Variants in ITSN1 observed in about 807,000 individuals in gnomAD.
ITSN1 encodes the protein intersectin 1, also known as intersectin-1.
Under a neutral mutation model 239.8 loss-of-function variants are expected in ITSN1, and 58 were observed. The ratio of observed to expected loss-of-function variants is 0.24; its 90% CI spans 0.20 to 0.30. The LOEUF is 0.30. Among genes scored for constraint, ITSN1 ranks in the 10% least tolerant of loss-of-function variants. The pLI, the probability that ITSN1 is intolerant of heterozygous loss-of-function variation, is 1.00. For synonymous variants in ITSN1, 780 were observed against 770.8 expected (o/e 1.01, Z -0.20); for missense variants, 1,558 against 2,103.3 (o/e 0.74, Z 5.07).
At chr21:33,827,710 T>C (rs954772825) in intron 26 of ITSN1, among the ~76,000 whole-genome samples, 10 of 151,492 alleles carry the variant, frequency 6.6e-5, no homozygotes, top group Admixed American at 6.6e-4. Flanking sequence ...TAAAATCACA[T>C]GTGCTATAAA....
chr21:33,708,445 A>G (rs1490761213), intron 1 of ITSN1, among the ~76,000 whole-genome samples: 1 of 151,750 alleles, frequency 6.6e-6, no homozygotes, highest in Non-Finnish European at 1.5e-5. Context: ...CTGGAGTGCA[A>G]TGGCGCGATC....
chr21:33,757,399 A>AT (rs1294794956), intron 8 of ITSN1, among the ~76,000 whole-genome samples: 1 of 152,214 alleles, frequency 6.6e-6, no homozygotes, highest in Non-Finnish European at 1.5e-5. Context: ...AGATTTTGAT[A>AT]TTGTTTATCT....
intron 31 of ITSN1, among the ~76,000 whole-genome samples, chr21:33,864,857 G>T (rs556861482): frequency 6.6e-6 from 1 of 152,230 alleles, no homozygotes; most frequent in East Asian, 1.9e-4. Flanking sequence ...TCTGTGTAGT[G>T]AGGCATCGAC....
intron 1 of ITSN1, among the ~76,000 whole-genome samples, chr21:33,673,276 C>A (rs2090405674): frequency 6.6e-6 from 1 of 152,032 alleles, no homozygotes; most frequent in Admixed American, 6.6e-5. Context: ...AGATGTAGGT[C>A]AAAGTTGCAG....
At chr21:33,857,436 C>T (rs1339259044) in intron 30 of ITSN1, among the ~76,000 whole-genome samples, 6 of 152,212 alleles carry the variant, frequency 3.9e-5, no homozygotes, top group Admixed American at 1.3e-4. Context: ...TGGGGAGATG[C>T]GGAGCCCGGC....
intron 1 of ITSN1, among the ~76,000 whole-genome samples, chr21:33,676,376 T>C (rs140184860): frequency 6.6e-6 from 1 of 152,152 alleles, no homozygotes; most frequent in Non-Finnish European, 1.5e-5. Context: ...TGCATTTTCT[T>C]CTACAACACT....
chr21:33,679,801 C>T (rs77903098), intron 1 of ITSN1, among the ~76,000 whole-genome samples: 1 of 150,056 alleles, frequency 6.7e-6, no homozygotes, highest in African/African-American at 2.5e-5. Flanking sequence ...AGGTTCATGC[C>T]ATTCTCCTGC....
chr21:33,822,887 T>G (rs1245524603), intron 24 of ITSN1, among the ~76,000 whole-genome samples: 2 of 152,258 alleles, frequency 1.3e-5, no homozygotes, highest in Non-Finnish European at 2.9e-5. Flanking sequence ...TAACTCATTT[T>G]GTGTTCTAAC....
chr21:33,773,684 CTT>C (rs1005258198), intron 12 of ITSN1, among the ~76,000 whole-genome samples: 12 of 144,198 alleles, frequency 8.3e-5, no homozygotes, highest in East Asian at 2.0e-4. Context: ...GCCATAACTC[CTT>C]TTTTTTTTTT....
Position 33,758,457 on chromosome 21 carries a change from T to C in ITSN1, c.724+3060T>C, listed in dbSNP as rs1262136178. Among the ~76,000 whole-genome samples, 5 of 152,236 alleles carry C rather than the reference T, an allele frequency of 3.3e-5. No individual in the cohort carries two copies. The East Asian group carries it at 9.6e-4, about 29-fold the overall frequency. ...TACCCCACTGACTATCTGGGTTGAT[T>C]TAGCCGATACATCCTGTTGGACACC... On this transcript the variant is annotated intron_variant, in intron 8 of 39. Transcript: ENST00000381318.
At chr21:33,824,379 G>A (rs984255052) in intron 25 of ITSN1, among the ~76,000 whole-genome samples, 1 of 151,990 alleles carries the variant, frequency 6.6e-6, no homozygotes, top group African/African-American at 2.4e-5. Flanking sequence ...AGAGTTTCAG[G>A]GTATAAATGG....
At chr21:33,734,836 G>A (rs1456477769) in intron 4 of ITSN1, among the ~76,000 whole-genome samples, 1 of 152,160 alleles carries the variant, frequency 6.6e-6, no homozygotes, top group Non-Finnish European at 1.5e-5. Context: ...CTGCTAAAGT[G>A]GCAGAGTGAA....
intron 15 of ITSN1, among the ~76,000 whole-genome samples, chr21:33,781,787 C>A (rs1423405472): frequency 6.6e-6 from 1 of 152,064 alleles, no homozygotes; most frequent in African/African-American, 2.4e-5. Context: ...CTATATTGGC[C>A]AGGCTGGTCT....
At chr21:33,691,933 C>T (rs1191853909) in intron 1 of ITSN1, among the ~76,000 whole-genome samples, 1 of 152,230 alleles carries the variant, frequency 6.6e-6, no homozygotes, top group Non-Finnish European at 1.5e-5. Context: ...TGAGAGGACA[C>T]ATTTGGTCCA....
chr21:33,662,615 G>C (rs964449454), intron 1 of ITSN1, among the ~76,000 whole-genome samples: 5 of 152,090 alleles, frequency 3.3e-5, no homozygotes, highest in African/African-American at 1.2e-4. Flanking sequence ...AGGTTTCTTG[G>C]TATTATCTAG....
chr21:33,813,310 A>G (rs1290618417), intron 21 of ITSN1, among the ~76,000 whole-genome samples: 3 of 151,406 alleles, frequency 2.0e-5, no homozygotes, highest in Admixed American at 6.6e-5. Context: ...CAGCCTCCCA[A>G]GTAGCTGGGA....
chr21:33,762,300 C>T (rs1361400835), intron 9 of ITSN1, among the ~76,000 whole-genome samples: 1 of 149,724 alleles, frequency 6.7e-6, no homozygotes, highest in African/African-American at 2.5e-5. Context: ...GAGTTTTACT[C>T]TAGTTGCCCA....
chr21:33,677,247 G>C (rs1463840860), intron 1 of ITSN1, among the ~76,000 whole-genome samples: 10 of 152,080 alleles, frequency 6.6e-5, no homozygotes, highest in African/African-American at 2.4e-4. Context: ...CTTCTCCCAA[G>C]AACTGCAGGC....
chr21:33,663,123 T>C (rs975189251), intron 1 of ITSN1, among the ~76,000 whole-genome samples: 6 of 152,252 alleles, frequency 3.9e-5, no homozygotes, highest in Non-Finnish European at 8.8e-5. Flanking sequence ...AGCACTGTTT[T>C]GGATATATAC....
Sources: allele counts gnomAD v4.1 joint callset (sites outside exome capture counted in the v4.1 genomes callset), GRCh38; gene constraint gnomAD v4.1.1; transcripts MANE v1.5; gene names NCBI Gene and HGNC (gene_info 2026-07-23, HGNC 2026-07-21).